MAEA: variants seen among roughly 807,000 people sequenced by gnomAD.
MAEA encodes macrophage erythroblast attacher, E3 ubiquitin ligase, also known as E3 ubiquitin-protein transferase MAEA.
Under a neutral mutation model 46.2 loss-of-function variants are expected in MAEA, and 22 were observed. The ratio of observed to expected loss-of-function variants is 0.48; its 90% CI spans 0.34 to 0.68. The LOEUF is 0.68. Ranked by LOEUF, MAEA falls within the 30% of genes least tolerant of loss-of-function variation. MAEA has a pLI of 0.01. For synonymous variants in MAEA, 246 were observed against 222.6 expected (o/e 1.11, Z -0.94); for missense variants, 393 against 558.1 (o/e 0.70, Z 2.98).
chr4:1,329,750 G>A (rs1365552506), intron 5 of MAEA: 3 of 985,606 alleles, frequency 3.0e-6, no homozygotes, highest in Non-Finnish European at 2.4e-6. Context: ...GAGGGAGTGC[G>A]GGTGTTTGGC....
intron 7 of MAEA, chr4:1,337,212 G>T (rs752926016): frequency 1.7e-6 from 1 of 576,666 alleles, no homozygotes; most frequent in Non-Finnish European, 3.0e-6. Context: ...GAAGTGGCGC[G>T]CTTCCTCTCT....
At chr4:1,329,913 A>T in intron 5 of MAEA, 5 of 985,404 alleles carry the variant, frequency 5.1e-6, no homozygotes, top group Non-Finnish European at 6.0e-6. Flanking sequence ...CCACCTCTGA[A>T]CTCACGGTCC....
At chr4:1,313,303 G>A (rs1736745143) in intron 2 of MAEA, among the ~76,000 whole-genome samples, 1 of 152,232 alleles carries the variant, frequency 6.6e-6, no homozygotes, top group African/African-American at 2.4e-5. Flanking sequence ...GTCCAGCACA[G>A]AGACAGCCTG....
At chr4:1,317,578 A>G (rs1352675033) in intron 3 of MAEA, among the ~76,000 whole-genome samples, 5 of 151,824 alleles carry the variant, frequency 3.3e-5, no homozygotes, top group Non-Finnish European at 7.4e-5. Context: ...CCTGCCCTCC[A>G]GGAGGGGAGT....
Position 1,339,245 on chromosome 4 carries a change from G to A in MAEA, c.*76G>A, listed in dbSNP as rs1407608151. On this transcript the variant is annotated 3_prime_UTR_variant, in exon 9 of 9. Transcript: ENST00000303400. ...AGGCCACGCCTTCCTCCTGTCCCAC[G>A]CTCCAGCCTGCCGCGGCGTTTCTGT... 5.8e-6 allele frequency: 6 copies of A among 1,035,156 alleles called. No homozygotes were observed. The highest frequency in any genetic ancestry group is 3.9e-5 in the South Asian group (3 of 77,892). 64.1% of individuals were successfully genotyped at this position (1,035,156 alleles called of 1,614,324 possible).
intron 4 of MAEA, among the ~76,000 whole-genome samples, chr4:1,325,554 G>A (rs1337946361): frequency 6.6e-6 from 1 of 152,202 alleles, no homozygotes; most frequent in Non-Finnish European, 1.5e-5. Flanking sequence ...AACCTAGAGT[G>A]GGCCCAGAGT....
intron 5 of MAEA, 80 bp from the exon 6 acceptor site, chr4:1,332,677 C>G: frequency 9.3e-7 from 1 of 1,074,698 alleles, no homozygotes; most frequent in Non-Finnish European, 1.4e-6. Flanking sequence ...GCACTGCAGC[C>G]TGGGTGACAG....
In MAEA at chr4:1,314,320, C is replaced by CAA. The variant is rs570061345; in HGVS notation, c.253-1063_253-1062dup. Among the ~76,000 whole-genome samples, 19 of 106,796 alleles carry CAA rather than the reference C, an allele frequency of 1.8e-4. 1 individual carries two copies. Among genetic ancestry groups the CAA allele is most frequent in the African/African-American group, 5.1e-4 (16 of 31,108 alleles). 70.1% of individuals were successfully genotyped at this position (106,796 alleles called of 152,430 possible). A position where few individuals can be genotyped will look rare whatever the true frequency, so the allele number is the denominator to read the frequency against. ...TCAGCCTGCACAGAGACTCTGTCTC[C>CAA]AAAAAAAAAAAAAAATTCAGAATTT... is the stretch of plus-strand genomic sequence containing the variant. On this transcript the variant is annotated intron_variant, in intron 2 of 8. Coordinates refer to ENST00000303400, the MANE Select transcript of MAEA (RefSeq NM_001017405.3).
chr4:1,310,325 C>T (rs1036324941), intron 1 of MAEA, among the ~76,000 whole-genome samples: 1 of 152,316 alleles, frequency 6.6e-6, no homozygotes, highest in South Asian at 2.1e-4. Flanking sequence ...TGTGACTTCC[C>T]ATCCACTAGA....
At position 1,315,608 on chromosome 4, in the gene MAEA, C is replaced by T. The variant is rs996302992; in HGVS notation, c.456+8C>T. 2.8e-5 allele frequency: 45 copies of T among 1,611,956 alleles called. No homozygotes were observed. The highest frequency in any genetic ancestry group is 2.7e-5 in the Non-Finnish European group (32 of 1,179,220). On this transcript the variant is annotated splice_region_variant and intron_variant, in intron 3 of 8. Coordinates refer to ENST00000303400, the MANE Select transcript of MAEA (RefSeq NM_001017405.3). The stretch of plus-strand genomic sequence containing the variant: ...CGCCAGAGCGGCATCGAGGTGGGTG[C>T]CCGCCAGACGCAGGCACAGCGCCCC...
intron 1 of MAEA, among the ~76,000 whole-genome samples, chr4:1,300,758 C>T (rs1431744087): frequency 2.0e-5 from 3 of 152,242 alleles, no homozygotes; most frequent in African/African-American, 7.2e-5. Flanking sequence ...AGCTCAGGGC[C>T]GACAGCACTC....
At chr4:1,330,030 C>T (rs938927108) in intron 5 of MAEA, 8 of 985,260 alleles carry the variant, frequency 8.1e-6, no homozygotes, top group South Asian at 4.7e-5. Context: ...GTGGAGCCAG[C>T]GTGCTGGGCC....
chr4:1,314,004 A>G (rs565464755), intron 2 of MAEA, among the ~76,000 whole-genome samples: 64 of 152,248 alleles, frequency 4.2e-4, no homozygotes, highest in African/African-American at 1.5e-3. Context: ...ACTGTACTCC[A>G]GACTGGGCAA....
At position 1,339,108 on chromosome 4, in the gene MAEA, T is replaced by C; in HGVS notation, c.1130T>C (p.Val377Ala). ...TCTATCCGTCAAGATGATAAAGTCG[T>C]GTGCCCGAGAACCAAAGAAGTCTTC... Reference protein sequence around the residue: ...LLSIRQDDKVVCPRTKEVFHF... With the variant: ...LLSIRQDDKVACPRTKEVFHF... Residue 377 changes from valine (V) to alanine (A), a missense_variant, in exon 9 of 9, where the codon GTG becomes GCG. This residue lies in a region of MAEA where 358 missense variants were observed against 537.9 expected (regional missense o/e 0.67). Transcript: ENST00000303400. The C allele has an allele frequency of 1.2e-6, 2 of 1,614,008 alleles. No homozygotes were observed. The highest frequency in any genetic ancestry group is 2.2e-5 in the East Asian group (1 of 44,874).
In MAEA at chr4:1,315,532, G is replaced by C. The variant is rs920062442; in HGVS notation, c.388G>C (p.Val130Leu). 6.2e-7 allele frequency: 1 copy of C among 1,613,868 alleles called. No homozygotes were observed. Among genetic ancestry groups the C allele is most frequent in the Admixed American group, 1.7e-5 (1 of 60,012 alleles). Reference sequence around the variant, plus strand: ...GAGGAAGCGCATGGATCGCATGATGGTGGAGCACCTGCTGCGTTGCGGCTA... The same window carrying C: ...GAGGAAGCGCATGGATCGCATGATGCTGGAGCACCTGCTGCGTTGCGGCTA... ...WKRKRMDRMM[V>L]EHLLRCGYYN... Residue 130 changes from valine to leucine, a missense_variant, in exon 3 of 9, where the codon GTG becomes CTG. Coordinates refer to ENST00000303400, the MANE Select transcript of MAEA (RefSeq NM_001017405.3).
intron 1 of MAEA, chr4:1,299,742 C>T (rs910420741): frequency 6.6e-6 from 1 of 152,352 alleles, no homozygotes; most frequent in Non-Finnish European, 1.5e-5. Flanking sequence ...TTGCCAACGT[C>T]CGTGGTCCCA....
intron 5 of MAEA, chr4:1,329,880 C>A: frequency 2.0e-6 from 2 of 985,582 alleles, no homozygotes; most frequent in African/African-American, 1.7e-5. Context: ...CTGCCAGGGT[C>A]CCAGCCCGCA....
At chr4:1,309,530 G>A in intron 1 of MAEA, 1 of 1,385,228 alleles carries the variant, frequency 7.2e-7, no homozygotes, top group East Asian at 2.7e-5. Flanking sequence ...GGGGTGCTGC[G>A]CTCATCCCCT....
At chr4:1,300,232 G>A (rs1009858063) in intron 1 of MAEA, among the ~76,000 whole-genome samples, 4 of 152,208 alleles carry the variant, frequency 2.6e-5, no homozygotes, top group African/African-American at 9.6e-5. Context: ...GGAAAGGCCC[G>A]AAGGAAGATT....
Sources: allele counts gnomAD v4.1 joint callset (sites outside exome capture counted in the v4.1 genomes callset), GRCh38; gene constraint gnomAD v4.1.1; regional missense constraint gnomAD v4.1.1; transcripts MANE v1.5; gene names NCBI Gene and HGNC (gene_info 2026-07-23, HGNC 2026-07-21).